ETFA: variants seen among roughly 807,000 people sequenced by gnomAD.
ETFA encodes the protein electron transfer flavoprotein subunit alpha, mitochondrial.
ETFA carries 22 observed loss-of-function variants against 46.2 expected under a neutral mutation model. That is an observed-to-expected ratio of 0.48 (90% CI 0.34 to 0.68). The LOEUF is 0.68. ETFA is among the 30% of genes least tolerant of loss of function. The pLI is 0.01. For synonymous variants in ETFA, 131 were observed against 139.9 expected, an observed-to-expected ratio of 0.94 and a Z score of 0.45; for missense variants, 345 against 401.1, an observed-to-expected ratio of 0.86 and a Z score of 1.19.
chr15:76,272,213 T>A (rs2039541637), intron 9 of ETFA, among the ~76,000 whole-genome samples: 1 of 148,902 alleles, frequency 6.7e-6, no homozygotes, highest in South Asian at 2.1e-4. Context: ...TCTCTGAATT[T>A]CTTTCTTTCT....
At chr15:76,223,792 G>C (rs144884402) in intron 11 of ETFA, among the ~76,000 whole-genome samples, 51 of 152,248 alleles carry the variant, frequency 3.3e-4, no homozygotes, top group African/African-American at 1.2e-3. Context: ...CCAAACCTTG[G>C]AGCTGCCCTT....
intron 9 of ETFA, among the ~76,000 whole-genome samples, chr15:76,243,956 A>G (rs2039220512): frequency 6.6e-6 from 1 of 151,954 alleles, no homozygotes; most frequent in South Asian, 2.1e-4. Context: ...GTGCGATCTC[A>G]GCTCACCGCA....
chr15:76,230,218 C>CTTTTTTTTTTTTTTTTTT (rs199621717), intron 10 of ETFA: 1 of 48,480 alleles, frequency 2.1e-5, no homozygotes, highest in African/African-American at 9.5e-5. Flanking sequence ...ACTTATTGCA[C>CTTTTTTTTTTTTTTTTTT]TTTTTTTTTT....
At chr15:76,285,566 A>T in intron 7 of ETFA, 71 bp downstream of exon 7, 2 of 889,922 alleles carry the variant, frequency 2.2e-6, no homozygotes. Flanking sequence ...CTTCTAAAAT[A>T]AATACTAAAA....
At chr15:76,236,147 T>C (rs759597215) in intron 9 of ETFA, among the ~76,000 whole-genome samples, 1 of 152,218 alleles carries the variant, frequency 6.6e-6, no homozygotes, top group Non-Finnish European at 1.5e-5. Context: ...AATTCTAAGA[T>C]GTATTATCTG....
At position 76,237,318 on chromosome 15, in the gene ETFA, G is replaced by C. The variant is rs2039135788; in HGVS notation, c.817-5920C>G. Among the ~76,000 whole-genome samples, 3 of 152,176 alleles carry C rather than the reference G, an allele frequency of 2.0e-5. No homozygotes were observed. In the South Asian group the frequency reaches 6.2e-4, roughly 32 times the overall value. ...TCCACCCACCTCGGCCTCCCAAAGT[G>C]CTGGGATTACAGGCATGAGCCACCA... On this transcript the variant is annotated intron_variant, in intron 9 of 11. Transcript: ENST00000557943.
At chr15:76,263,132 C>T (rs2039434031) in intron 9 of ETFA, among the ~76,000 whole-genome samples, 1 of 152,162 alleles carries the variant, frequency 6.6e-6, no homozygotes. Flanking sequence ...TCCTTTCAAC[C>T]CCCACATCCT....
chr15:76,237,914 G>T (rs997505254), intron 9 of ETFA, among the ~76,000 whole-genome samples: 1 of 152,068 alleles, frequency 6.6e-6, no homozygotes, highest in African/African-American at 2.4e-5. Context: ...TTTGCATTTA[G>T]TACTGACCAT....
chr15:76,257,524 GC>G (rs2039356954), intron 9 of ETFA, among the ~76,000 whole-genome samples: 1 of 152,190 alleles, frequency 6.6e-6, no homozygotes. Context: ...AACAACAGGT[GC>G]TGGAGAGGAT....
intron 9 of ETFA, among the ~76,000 whole-genome samples, chr15:76,269,152 G>T (rs1052597808): frequency 2.6e-5 from 4 of 152,198 alleles, no homozygotes; most frequent in Non-Finnish European, 5.9e-5. Context: ...AGATGCGGAA[G>T]CCACCGCTGG....
intron 9 of ETFA, chr15:76,261,764 A>G: frequency 5.0e-6 from 1 of 200,628 alleles, no homozygotes; most frequent in South Asian, 1.3e-4. Context: ...GACTTTTTAT[A>G]TCGACAAATG....
chr15:76,268,777 T>C (rs1413378124), intron 9 of ETFA, among the ~76,000 whole-genome samples: 1 of 152,204 alleles, frequency 6.6e-6, no homozygotes, highest in Non-Finnish European at 1.5e-5. Context: ...GAATAAGGGC[T>C]AAGAAAAATG....
intron 9 of ETFA, among the ~76,000 whole-genome samples, chr15:76,242,480 T>C (rs2039202577): frequency 6.6e-6 from 1 of 152,192 alleles, no homozygotes; most frequent in South Asian, 2.1e-4. Flanking sequence ...AGGAAACCAA[T>C]TTGAAGGTTC....
At chr15:76,235,730 G>A (rs1177403894) in intron 9 of ETFA, among the ~76,000 whole-genome samples, 2 of 152,178 alleles carry the variant, frequency 1.3e-5, no homozygotes, top group South Asian at 2.1e-4. Flanking sequence ...AGGTGTGATA[G>A]AGCTACAGTC....
intron 9 of ETFA, among the ~76,000 whole-genome samples, chr15:76,261,923 T>C (rs1472871930): frequency 6.6e-6 from 1 of 152,174 alleles, no homozygotes; most frequent in Non-Finnish European, 1.5e-5. Context: ...CCAAGATAGG[T>C]GGATCGCTTG....
intron 9 of ETFA, among the ~76,000 whole-genome samples, chr15:76,262,692 C>A (rs1252737543): frequency 1.3e-5 from 2 of 151,966 alleles, no homozygotes; most frequent in African/African-American, 4.8e-5. Flanking sequence ...CCGTGTAATC[C>A]AGGATGGTCT....
chr15:76,261,157 G>A (rs1469536265), intron 9 of ETFA: 14 of 1,532,998 alleles, frequency 9.1e-6, no homozygotes, highest in Non-Finnish European at 1.8e-6. Context: ...TGGAGAGGGA[G>A]CAGGTCCCCC....
intron 1 of ETFA, among the ~76,000 whole-genome samples, chr15:76,303,651 A>AC (rs1339457544): frequency 1.3e-5 from 2 of 152,256 alleles, no homozygotes; most frequent in African/African-American, 4.8e-5. Flanking sequence ...TGGGCAATGG[A>AC]CATCAACAGA....
intron 9 of ETFA, among the ~76,000 whole-genome samples, chr15:76,244,618 T>C (rs1391990875): frequency 1.3e-5 from 2 of 152,058 alleles, no homozygotes; most frequent in Non-Finnish European, 1.5e-5. Context: ...CATGTGCCCA[T>C]TTATCATACC....
Sources: allele counts gnomAD v4.1 joint callset (sites outside exome capture counted in the v4.1 genomes callset), GRCh38; gene constraint gnomAD v4.1.1; transcripts MANE v1.5; gene names NCBI Gene and HGNC (gene_info 2026-07-23, HGNC 2026-07-21).